The following SRPK2 variants were observed in gnomAD, a reference collection of about 807,000 sequenced individuals.
SRPK2 encodes the protein SRSF protein kinase 2, also known as SFRS protein kinase 2.
In SRPK2, 21 loss-of-function variants were observed where a neutral mutation model predicts 90.8. That is an observed-to-expected ratio of 0.23 (90% confidence interval 0.16 to 0.33). The LOEUF is 0.33. SRPK2 is among the 10% of genes least tolerant of loss of function. The pLI, the probability that SRPK2 is intolerant of heterozygous loss-of-function variation, is 1.00. For synonymous variants in SRPK2, 288 were observed against 311.1 expected (o/e 0.93, Z 0.78); for missense variants, 620 against 869.0 (o/e 0.71, Z 3.60).
chr7:105,301,071 T>C (rs1191064795), intron 2 of SRPK2, among the ~76,000 whole-genome samples: 1 of 152,130 alleles, frequency 6.6e-6, no homozygotes, highest in Non-Finnish European at 1.5e-5. Context: ...TGCACATGTA[T>C]GTTTATTGCG....
At chr7:105,281,861 T>C (rs1262380124) in intron 2 of SRPK2, among the ~76,000 whole-genome samples, 1 of 152,214 alleles carries the variant, frequency 6.6e-6, no homozygotes, top group Non-Finnish European at 1.5e-5. Context: ...GAAGATTTAA[T>C]ATTGTTAAGA....
chr7:105,287,209 C>T (rs1187296917), intron 2 of SRPK2, among the ~76,000 whole-genome samples: 1 of 130,964 alleles, frequency 7.6e-6, no homozygotes, highest in East Asian at 2.3e-4. Context: ...TGCAGTGAGC[C>T]GAGATCCCAC....
chr7:105,199,915 A>G (rs962295162), intron 3 of SRPK2, among the ~76,000 whole-genome samples: 4 of 130,630 alleles, frequency 3.1e-5, no homozygotes, highest in Admixed American at 2.3e-4. Context: ...AAAAAAAAAA[A>G]GCAGGATTCT....
At chr7:105,115,857 T>C (rs946862827), downstream of SRPK2, among the ~76,000 whole-genome samples, 1 of 152,184 alleles carries the variant, frequency 6.6e-6, no homozygotes, top group Non-Finnish European at 1.5e-5. Flanking sequence ...TTATGCCCTA[T>C]GGTTCTTGTA....
intron 2 of SRPK2, among the ~76,000 whole-genome samples, chr7:105,359,977 G>A (rs1818245742): frequency 2.6e-5 from 4 of 152,094 alleles, no homozygotes; most frequent in Admixed American, 2.6e-4. Context: ...TGACAGTGGG[G>A]TGTTAAAGTC....
chr7:105,232,073 C>T (rs1035954431), intron 2 of SRPK2, among the ~76,000 whole-genome samples: 1 of 152,108 alleles, frequency 6.6e-6, no homozygotes, highest in Non-Finnish European at 1.5e-5. Context: ...AGACTGGTCT[C>T]GAACTCCTGG....
At chr7:105,394,873 AAAAAC>A (rs796553753) in intron 1 of SRPK2, among the ~76,000 whole-genome samples, 27 of 152,354 alleles carry the variant, frequency 1.8e-4, no homozygotes, top group African/African-American at 6.0e-4. Context: ...ATTTTTATTT[AAAAAC>A]AAAACAAAAC....
At chr7:105,290,429 C>T (rs967616102) in intron 2 of SRPK2, among the ~76,000 whole-genome samples, 5 of 152,034 alleles carry the variant, frequency 3.3e-5, no homozygotes, top group Non-Finnish European at 5.9e-5. Context: ...GCCCAGGAGG[C>T]GGAGTTCACA....
intron 2 of SRPK2, among the ~76,000 whole-genome samples, chr7:105,331,324 A>AAAC (rs1814335062): frequency 2.3e-5 from 3 of 131,436 alleles, no homozygotes; most frequent in Non-Finnish European, 4.9e-5. Context: ...AAAAAAAAAA[A>AAAC]AAAAAAAAAA....
intron 2 of SRPK2, among the ~76,000 whole-genome samples, chr7:105,309,802 G>C (rs1413441141): frequency 6.6e-6 from 1 of 152,136 alleles, no homozygotes; most frequent in Non-Finnish European, 1.5e-5. Context: ...TGACATTATA[G>C]ATCTTACTTA....
chr7:105,346,348 T>C (rs1489332336), intron 2 of SRPK2, among the ~76,000 whole-genome samples: 2 of 152,124 alleles, frequency 1.3e-5, no homozygotes, highest in Admixed American at 1.3e-4. Context: ...CATAACTCTC[T>C]ATGATGCAGA....
chr7:105,216,022 T>C (rs945349200), intron 2 of SRPK2, among the ~76,000 whole-genome samples: 2 of 141,278 alleles, frequency 1.4e-5, no homozygotes, highest in Non-Finnish European at 3.0e-5. Context: ...CACCTGTAAA[T>C]AGCCACTGCA....
intron 2 of SRPK2, among the ~76,000 whole-genome samples, chr7:105,314,025 C>G (rs1371303074): frequency 6.6e-6 from 1 of 152,048 alleles, no homozygotes; most frequent in Non-Finnish European, 1.5e-5. Context: ...CACAAAAATT[C>G]AATAACATGT....
At chr7:105,149,587 T>C (rs1321304379) in intron 7 of SRPK2, among the ~76,000 whole-genome samples, 2 of 152,216 alleles carry the variant, frequency 1.3e-5, no homozygotes, top group Non-Finnish European at 2.9e-5. Context: ...TTTGTCTCTG[T>C]GTCTTATTTC....
intron 3 of SRPK2, among the ~76,000 whole-genome samples, chr7:105,174,369 G>T (rs895043445): frequency 6.6e-6 from 1 of 152,092 alleles, no homozygotes; most frequent in Non-Finnish European, 1.5e-5. Flanking sequence ...CAGAAGTTCA[G>T]AACTCCATGA....
chr7:105,398,906 C>A (rs775450699), intron 1 of SRPK2, among the ~76,000 whole-genome samples: 2 of 152,116 alleles, frequency 1.3e-5, no homozygotes, highest in Non-Finnish European at 2.9e-5. Flanking sequence ...ATTACCTACC[C>A]TACAAATTTG....
At chr7:105,154,045 G>C (rs1806143672) in intron 7 of SRPK2, among the ~76,000 whole-genome samples, 1 of 152,212 alleles carries the variant, frequency 6.6e-6, no homozygotes, top group Non-Finnish European at 1.5e-5. Flanking sequence ...AAGAGGACAA[G>C]AGCCAGAGAC....
In SRPK2 at chr7:105,168,012, T is replaced by G; in HGVS notation, c.422A>C (p.Lys141Thr). ...TCACATTTTTAAAGTACTTACACAT[T>G]TGAGCAATTTTATTTCATCCAAGGC... ...ETALDEIKLL[K>T]CVRESDPSDP... The change falls in exon 5 of 16, where the codon AAA becomes ACA. Residue 141 changes from lysine to threonine, a missense_variant. Physicochemically the swap from Lys to Thr is moderately conservative, Grantham distance 78 (BLOSUM62 -1). Around this residue, in one of 8 missense-constraint regions of SRPK2, gnomAD observed 196 missense variants for 339.2 expected, o/e 0.58. Coordinates refer to ENST00000393651, the MANE Select transcript of SRPK2 (RefSeq NM_182692.3). The G allele has an allele frequency of 6.2e-7, 1 of 1,606,764 alleles. No homozygotes were observed. Among genetic ancestry groups the G allele is most frequent in the Non-Finnish European group, 8.5e-7 (1 of 1,175,976 alleles).
chr7:105,327,511 TGCC>T lies in SRPK2; in HGVS notation c.71+61134_71+61136del, dbSNP rs1421066544. Among the ~76,000 whole-genome samples, 15 of 152,304 alleles carry T rather than the reference TGCC, an allele frequency of 9.8e-5. No homozygotes were observed. The South Asian group carries it at 3.1e-3, about 32-fold the overall frequency. ...CCAGCATCCTGACCTCTCTCCTCCC[TGCC>T]AAGTGCAGGTGAAGCTTTCCCCTAG... On this transcript the variant is annotated intron_variant, in intron 2 of 15. Coordinates refer to ENST00000393651, the MANE Select transcript of SRPK2 (RefSeq NM_182692.3).
Sources: gnomAD v4.1 joint callset for allele counts (sites outside exome capture counted in the v4.1 genomes callset) on GRCh38, gnomAD v4.1.1 for gene constraint, gnomAD v4.1.1 regional missense constraint, MANE v1.5 for transcripts, NCBI Gene and HGNC (gene_info 2026-07-23, HGNC 2026-07-21) for gene names.